MAGI1: variants seen among roughly 807,000 people sequenced by gnomAD.
MAGI1 encodes membrane-associated guanylate kinase, WW and PDZ domain-containing protein 1.
In MAGI1, 58 loss-of-function variants were observed where a neutral mutation model predicts 139.9. That is an observed-to-expected ratio of 0.41 (90% confidence interval 0.34 to 0.52). MAGI1 has a LOEUF of 0.52. Among genes scored for constraint, MAGI1 ranks in the 20% least tolerant of loss-of-function variants. The pLI is 0.12. For synonymous variants in MAGI1, 812 were observed against 737.9 expected (o/e 1.10, Z -1.63); for missense variants, 1,874 against 1,901.6 (o/e 0.99, Z 0.27).
chr3:65,850,616 A>G (rs1046234096), intron 1 of MAGI1, among the ~76,000 whole-genome samples: 2 of 152,208 alleles, frequency 1.3e-5, no homozygotes, highest in African/African-American at 4.8e-5. Flanking sequence ...CAAGCTGTCA[A>G]AGTAATGTTG....
intron 15 of MAGI1, among the ~76,000 whole-genome samples, chr3:65,382,617 A>G (rs1384946094): frequency 1.3e-5 from 2 of 152,166 alleles, no homozygotes; most frequent in Non-Finnish European, 2.9e-5. Flanking sequence ...AACCTTAGCT[A>G]AAATATTTGT....
At chr3:65,713,404 T>C (rs774967386) in intron 1 of MAGI1, among the ~76,000 whole-genome samples, 5 of 152,152 alleles carry the variant, frequency 3.3e-5, no homozygotes, top group Non-Finnish European at 7.3e-5. Flanking sequence ...AGGTAACCAT[T>C]GTTTTCCCCC....
intron 12 of MAGI1, among the ~76,000 whole-genome samples, chr3:65,417,511 T>C (rs1487568222): frequency 2.6e-5 from 3 of 116,918 alleles, no homozygotes; most frequent in Non-Finnish European, 6.2e-5. Context: ...TGATGATATA[T>C]GGTTTCTTTT....
At chr3:65,885,434 C>A (rs1046156498) in intron 1 of MAGI1, among the ~76,000 whole-genome samples, 1 of 151,826 alleles carries the variant, frequency 6.6e-6, no homozygotes, top group Admixed American at 6.6e-5. Flanking sequence ...ATATTGTGAA[C>A]GTTATTCCCT....
At chr3:65,856,947 A>T (rs1006718445) in intron 1 of MAGI1, among the ~76,000 whole-genome samples, 12 of 152,210 alleles carry the variant, frequency 7.9e-5, no homozygotes, top group Non-Finnish European at 1.3e-4. Context: ...GACATATTAG[A>T]AACTGTCAAC....
chr3:65,700,172 G>A (rs917327002), intron 1 of MAGI1, among the ~76,000 whole-genome samples: 3 of 152,146 alleles, frequency 2.0e-5, no homozygotes, highest in East Asian at 1.9e-4. Flanking sequence ...GGCTGGGCGC[G>A]GTGACTCACG....
intron 1 of MAGI1, among the ~76,000 whole-genome samples, chr3:65,978,089 C>T (rs1294647003): frequency 2.0e-5 from 3 of 152,150 alleles, no homozygotes; most frequent in African/African-American, 4.8e-5. Flanking sequence ...TGTGTGCACA[C>T]AAGATGGTAA....
At chr3:65,460,432 T>G (rs1200008152) in intron 5 of MAGI1, among the ~76,000 whole-genome samples, 2 of 152,200 alleles carry the variant, frequency 1.3e-5, no homozygotes, top group African/African-American at 4.8e-5. Context: ...TAGTTCAATA[T>G]TCCTTTTTCA....
intron 1 of MAGI1, among the ~76,000 whole-genome samples, chr3:65,973,230 CT>C (rs1241308189): frequency 6.6e-6 from 1 of 152,116 alleles, no homozygotes; most frequent in African/African-American, 2.4e-5. Context: ...CAGGTGCCCC[CT>C]ATTCTCACTC....
chr3:65,731,183 C>G (rs1157484268), intron 1 of MAGI1, among the ~76,000 whole-genome samples: 1 of 152,126 alleles, frequency 6.6e-6, no homozygotes, highest in Non-Finnish European at 1.5e-5. Flanking sequence ...TACAAATACT[C>G]TCAAGAGAGA....
chr3:65,642,999 C>T (rs2085065429), intron 1 of MAGI1, among the ~76,000 whole-genome samples: 1 of 152,198 alleles, frequency 6.6e-6, no homozygotes, highest in Admixed American at 6.5e-5. Context: ...TGCCAGAGAA[C>T]ACGTTTGACA....
At chr3:65,411,810 C>G (rs181016384) in intron 12 of MAGI1, among the ~76,000 whole-genome samples, 3 of 151,920 alleles carry the variant, frequency 2.0e-5, no homozygotes, top group African/African-American at 7.3e-5. Context: ...TTATAGGACA[C>G]CAAACCCCTG....
At position 65,606,566 on chromosome 3, in the gene MAGI1, G is replaced by T. The variant is rs182705692; in HGVS notation, c.430+15406C>A. Among the ~76,000 whole-genome samples, 628 of 152,138 alleles carry T rather than the reference G, an allele frequency of 4.1e-3. 3 individuals are homozygous for T. The highest frequency in any genetic ancestry group is 4.1e-3 in the Non-Finnish European group (280 of 68,000). On this transcript the variant is annotated intron_variant, in intron 2 of 22. Coordinates refer to ENST00000402939, the MANE Select transcript of MAGI1 (RefSeq NM_001033057.2). The stretch of plus-strand genomic sequence containing the variant: ...CGAATCTTGCTCTGTCACCCAGACT[G>T]GAGTATAGTGGCATGATCTTTGCTC...
At chr3:65,447,836 C>G (rs181043619) in intron 7 of MAGI1, among the ~76,000 whole-genome samples, 186 bp downstream of exon 7, 28 of 152,232 alleles carry the variant, frequency 1.8e-4, no homozygotes, top group African/African-American at 6.3e-4. Context: ...ACTACAACTC[C>G]GCGTGATGCC....
At chr3:66,037,077 C>G (rs1056245628) in intron 1 of MAGI1, among the ~76,000 whole-genome samples, 1 of 152,162 alleles carries the variant, frequency 6.6e-6, no homozygotes, top group Admixed American at 6.5e-5. Flanking sequence ...ATACTTAAGG[C>G]TCTGCAGCAA....
intron 2 of MAGI1, among the ~76,000 whole-genome samples, chr3:65,496,019 G>C (rs766599985): frequency 6.6e-6 from 1 of 152,074 alleles, no homozygotes; most frequent in Non-Finnish European, 1.5e-5. Flanking sequence ...TTTTGAGCAA[G>C]GGGGTGCGTT....
intron 1 of MAGI1, among the ~76,000 whole-genome samples, chr3:65,934,287 G>C (rs1222917331): frequency 6.6e-6 from 1 of 150,844 alleles, no homozygotes; most frequent in Non-Finnish European, 1.5e-5. Flanking sequence ...GATAGGGAGA[G>C]GATCTTGCTG....
intron 5 of MAGI1, among the ~76,000 whole-genome samples, chr3:65,460,109 C>T (rs1446820580): frequency 6.6e-6 from 1 of 152,114 alleles, no homozygotes; most frequent in African/African-American, 2.4e-5. Context: ...CATGTGAAGA[C>T]TGCTGAATTT....
intron 2 of MAGI1, among the ~76,000 whole-genome samples, chr3:65,527,903 T>A (rs1279593848): frequency 6.7e-6 from 1 of 149,056 alleles, no homozygotes; most frequent in Non-Finnish European, 1.5e-5. Context: ...CAAGACTCCA[T>A]CTCAGGAAAA....
Sources: gnomAD v4.1 joint callset for allele counts (sites outside exome capture counted in the v4.1 genomes callset) on GRCh38, gnomAD v4.1.1 for gene constraint, MANE v1.5 for transcripts, NCBI Gene and HGNC (gene_info 2026-07-23, HGNC 2026-07-21) for gene names.